The following ACYP2 variants were observed in gnomAD, a reference collection of about 807,000 sequenced individuals.
ACYP2 encodes acylphosphatase 2, also known as acylphosphatase-2.
Under a neutral mutation model 11.2 loss-of-function variants are expected in ACYP2, and 12 were observed. The observed-to-expected ratio is 1.08, with a 90% CI of 0.69 to 1.74. The LOEUF (loss-of-function observed/expected upper bound fraction) is 1.74. Among genes scored for constraint, ACYP2 ranks in the 40% most tolerant of loss-of-function variants. ACYP2 has a pLI of 0.00. For synonymous variants in ACYP2, 43 were observed against 32.2 expected (o/e 1.33, Z -1.13); for missense variants, 134 against 101.9 (o/e 1.31, Z -1.35).
At chr2:54,028,052 A>G (rs552293579) in intron 2 of ACYP2, among the ~76,000 whole-genome samples, 1 of 152,090 alleles carries the variant, frequency 6.6e-6, no homozygotes, top group Non-Finnish European at 1.5e-5. Context: ...CATGTTGACC[A>G]GGCTGGTCTC....
intron 4 of ACYP2, among the ~76,000 whole-genome samples, chr2:54,134,776 G>T (rs1339917450): frequency 1.3e-5 from 2 of 152,224 alleles, no homozygotes; most frequent in East Asian, 3.8e-4. Context: ...TCGGGATGCA[G>T]TCCAGGAACC....
intron 4 of ACYP2, among the ~76,000 whole-genome samples, chr2:54,095,699 C>T (rs1295606283): frequency 3.8e-5 from 5 of 130,746 alleles, no homozygotes; most frequent in Admixed American, 1.4e-4. Context: ...GGCGGCTGGC[C>T]GGGCAGAGGG....
At chr2:54,056,879 G>T (rs778227391) in intron 3 of ACYP2, among the ~76,000 whole-genome samples, 9 of 151,900 alleles carry the variant, frequency 5.9e-5, no homozygotes, top group Non-Finnish European at 1.2e-4. Flanking sequence ...AGAACTTAAA[G>T]GAACTTAATT....
At chr2:54,069,286 A>C (rs1676895109) in intron 4 of ACYP2, among the ~76,000 whole-genome samples, 1 of 152,068 alleles carries the variant, frequency 6.6e-6, no homozygotes, top group African/African-American at 2.4e-5. Flanking sequence ...CAGTTTTGTC[A>C]TATATATGGG....
chr2:54,254,317 G>A (rs1174745302), intron 6 of ACYP2: 1 of 152,364 alleles, frequency 6.6e-6, no homozygotes, highest in Non-Finnish European at 1.5e-5. Flanking sequence ...CCAGAGAGTG[G>A]AGCTGGCAAT....
chr2:54,010,158 A>C (rs1673280822), intron 2 of ACYP2, among the ~76,000 whole-genome samples: 1 of 152,166 alleles, frequency 6.6e-6, no homozygotes, highest in Admixed American at 6.5e-5. Context: ...CAAGTCAATA[A>C]AGCTGAAAAA....
At chr2:54,122,034 G>A (rs750112930) in intron 4 of ACYP2, among the ~76,000 whole-genome samples, 18 of 152,202 alleles carry the variant, frequency 1.2e-4, no homozygotes, top group Non-Finnish European at 2.2e-4. Context: ...GATGGTGAAA[G>A]GTTAAGTAAG....
At chr2:54,033,168 G>C (rs1674680595) in intron 2 of ACYP2, among the ~76,000 whole-genome samples, 1 of 150,990 alleles carries the variant, frequency 6.6e-6, no homozygotes, top group South Asian at 2.1e-4. Context: ...GTGGGAGTGT[G>C]GTTAGGCCCC....
At chr2:54,135,555 G>A (rs1558558703) in intron 5 of ACYP2, 86 bp downstream of exon 2, 18 of 1,133,372 alleles carry the variant, frequency 1.6e-5, no homozygotes, top group South Asian at 1.1e-4. Context: ...TCTACTTGGC[G>A]CTAGTCTACT....
chr2:54,094,174 AAAAG>A (rs1324452247), intron 4 of ACYP2, among the ~76,000 whole-genome samples: 2 of 152,118 alleles, frequency 1.3e-5, no homozygotes, highest in African/African-American at 2.4e-5. Context: ...GTTGGCTTGC[AAAAG>A]AAAGGAAGAT....
At chr2:54,278,933 T>C (rs843713) in intron 6 of ACYP2, among the ~76,000 whole-genome samples, 104,182 of 152,048 alleles carry the variant, frequency 0.69, 35,969 homozygotes, top group Admixed American at 0.74. Flanking sequence ...TGTCCAGTCA[T>C]GGAGCTCTGT....
At chr2:54,226,322 G>T (rs1686009334) in intron 6 of ACYP2, among the ~76,000 whole-genome samples, 1 of 152,182 alleles carries the variant, frequency 6.6e-6, no homozygotes, top group African/African-American at 2.4e-5. Flanking sequence ...TGAGCGTCTG[G>T]AATTTTTATG....
intron 6 of ACYP2, among the ~76,000 whole-genome samples, chr2:54,185,056 A>G (rs953342493): frequency 6.6e-6 from 1 of 152,140 alleles, no homozygotes; most frequent in Non-Finnish European, 1.5e-5. Context: ...CATCTTGGCC[A>G]GGCTGATCTT....
intron 4 of ACYP2, among the ~76,000 whole-genome samples, chr2:54,064,780 A>C (rs1222028824): frequency 1.3e-5 from 2 of 152,130 alleles, no homozygotes; most frequent in Non-Finnish European, 2.9e-5. Flanking sequence ...TGCATTAAGG[A>C]GGGTCAGATT....
chr2:54,219,779 CA>C (rs929966519), intron 6 of ACYP2, among the ~76,000 whole-genome samples: 1 of 147,134 alleles, frequency 6.8e-6, no homozygotes, highest in Admixed American at 6.7e-5. Context: ...CCACCACACC[CA>C]GCTAATTTTT....
chr2:54,069,173 C>T (rs961695713), intron 4 of ACYP2, among the ~76,000 whole-genome samples: 63 of 152,078 alleles, frequency 4.1e-4, no homozygotes, highest in African/African-American at 1.4e-3. Context: ...TCAAACAATC[C>T]GCCTGCCCAG....
At chr2:54,027,392 G>C (rs1558480237) in intron 2 of ACYP2, among the ~76,000 whole-genome samples, 1 of 152,146 alleles carries the variant, frequency 6.6e-6, no homozygotes, top group Non-Finnish European at 1.5e-5. Flanking sequence ...TCCCAGGGAA[G>C]AAATATCAAA....
At chr2:54,273,141 T>G (rs1040739903) in intron 6 of ACYP2, among the ~76,000 whole-genome samples, 1 of 152,236 alleles carries the variant, frequency 6.6e-6, no homozygotes, top group Admixed American at 6.5e-5. Flanking sequence ...GAAAACTGAC[T>G]GTTCAAATTT....
chr2:54,046,610 T>A (rs1467269995), intron 2 of ACYP2, among the ~76,000 whole-genome samples: 1 of 152,040 alleles, frequency 6.6e-6, no homozygotes, highest in Non-Finnish European at 1.5e-5. Flanking sequence ...AAATATTTGT[T>A]GAATTAGGTT....
Sources: gnomAD v4.1 joint callset for allele counts (sites outside exome capture counted in the v4.1 genomes callset) on GRCh38, gnomAD v4.1.1 for gene constraint, MANE v1.5 for transcripts, NCBI Gene and HGNC (gene_info 2026-07-23, HGNC 2026-07-21) for gene names.